MOB3B: variants seen among roughly 807,000 people sequenced by gnomAD.
MOB3B encodes MOB kinase activator-like 2B.
Under a neutral mutation model 18.7 loss-of-function variants are expected in MOB3B, and 7 were observed. The observed-to-expected ratio is 0.37, with a 90% CI of 0.21 to 0.70. The LOEUF (loss-of-function observed/expected upper bound fraction) is 0.70, where lower values mean the gene tolerates loss of function less well. Ranked by LOEUF, MOB3B falls within the 30% of genes least tolerant of loss-of-function variation. The pLI is 0.52. For missense variants in MOB3B, 253 were observed against 281.3 expected (o/e 0.90, Z 0.72); for synonymous variants, 111 against 99.9 (o/e 1.11, Z -0.66).
intron 1 of MOB3B, among the ~76,000 whole-genome samples, chr9:27,502,034 T>C (rs1459068661): frequency 6.6e-6 from 1 of 152,096 alleles, no homozygotes; most frequent in Admixed American, 6.5e-5. Context: ...GTCCTTCCCT[T>C]TTTTTGCCAT....
chr9:27,387,938 T>C (rs1821670184), intron 2 of MOB3B, among the ~76,000 whole-genome samples: 1 of 151,772 alleles, frequency 6.6e-6, no homozygotes, highest in African/African-American at 2.4e-5. Context: ...CTAGAAATGA[T>C]TTTGCCCCCC....
intron 1 of MOB3B, among the ~76,000 whole-genome samples, chr9:27,483,540 C>G (rs576730403): frequency 5.9e-5 from 9 of 152,128 alleles, no homozygotes; most frequent in Non-Finnish European, 1.3e-4. Context: ...GTAAGTTAAG[C>G]TGACTTTCTT....
chr9:27,468,544 T>G (rs1819420119), intron 1 of MOB3B, among the ~76,000 whole-genome samples: 1 of 152,190 alleles, frequency 6.6e-6, no homozygotes, highest in African/African-American at 2.4e-5. Flanking sequence ...GCACCTTGCA[T>G]GCACATCTCT....
intron 1 of MOB3B, among the ~76,000 whole-genome samples, chr9:27,487,205 A>AT (rs1451412874): frequency 1.3e-5 from 2 of 151,606 alleles, no homozygotes; most frequent in East Asian, 3.9e-4. Flanking sequence ...TAACGTTTCT[A>AT]TAAGTCATGC....
chr9:27,498,322 G>A (rs2131492707), intron 1 of MOB3B, among the ~76,000 whole-genome samples: 1 of 152,326 alleles, frequency 6.6e-6, no homozygotes, highest in African/African-American at 2.4e-5. Flanking sequence ...CCTACTGTGA[G>A]GTACAAGGGT....
At chr9:27,506,832 A>ATTTTTTT (rs71492749) in intron 1 of MOB3B, among the ~76,000 whole-genome samples, 16 of 120,510 alleles carry the variant, frequency 1.3e-4, no homozygotes, top group East Asian at 2.3e-4. Context: ...ACCCCGGCTA[A>ATTTTTTT]TTTTTTTTTT....
At chr9:27,490,490 A>G (rs74822608) in intron 1 of MOB3B, among the ~76,000 whole-genome samples, 1,736 of 152,314 alleles carry the variant, frequency 0.011, 37 homozygotes, top group African/African-American at 0.039. Context: ...ATGAGATTTG[A>G]ATGTGGGCCA....
At position 27,356,782 on chromosome 9, in the gene MOB3B, G is replaced by A. The variant is rs978774562; in HGVS notation, c.621+2252C>T. On this transcript the variant is annotated intron_variant, in intron 3 of 3. Transcript: ENST00000262244. ...TTTCTTCTGGGTCTTCATTTACGTGGCCCTTGTCCATCTTTCCTCTCTGTC... is the reference window on the plus strand; with the variant it reads ...TTTCTTCTGGGTCTTCATTTACGTGACCCTTGTCCATCTTTCCTCTCTGTC... Among the ~76,000 whole-genome samples, 5 of 152,024 alleles carry A rather than the reference G, an allele frequency of 3.3e-5. No individual in the cohort carries two copies. The South Asian group carries it at 1.0e-3, about 32-fold the overall frequency.
chr9:27,523,303 A>C (rs1820369210), intron 1 of MOB3B, among the ~76,000 whole-genome samples: 3 of 152,174 alleles, frequency 2.0e-5, no homozygotes, highest in Admixed American at 2.0e-4. Context: ...CCAGCTAGGA[A>C]TTCACTTAGC....
At chr9:27,430,454 C>T (rs552687610) in intron 2 of MOB3B, among the ~76,000 whole-genome samples, 21 of 152,262 alleles carry the variant, frequency 1.4e-4, no homozygotes, top group Non-Finnish European at 1.9e-4. Flanking sequence ...GAGGACCAGG[C>T]GGGGAGGGTA....
intron 1 of MOB3B, among the ~76,000 whole-genome samples, chr9:27,497,277 G>A (rs1487107336): frequency 6.6e-6 from 1 of 152,094 alleles, no homozygotes; most frequent in East Asian, 1.9e-4. Context: ...TTTCCACAAA[G>A]CTTGGATGTG....
At position 27,527,774 on chromosome 9, in the gene MOB3B, C is replaced by A. The variant is rs557316841; in HGVS notation, c.-199+1781G>T. ...CAGGTGCACAGTCTCAGTCAGCCTCCCCTCAGAGGCAAGACAACTCGCTGG... is the reference window on the plus strand; with the variant it reads ...CAGGTGCACAGTCTCAGTCAGCCTCACCTCAGAGGCAAGACAACTCGCTGG... On this transcript the variant is annotated intron_variant, in intron 1 of 3. Coordinates refer to ENST00000262244, the MANE Select transcript of MOB3B (RefSeq NM_024761.5). Among the ~76,000 whole-genome samples, 44 of 152,326 alleles carry A rather than the reference C, an allele frequency of 2.9e-4. 2 individuals carry two copies. The South Asian group carries it at 9.1e-3, about 32-fold the overall frequency.
chr9:27,461,916 G>A (rs966945123), intron 1 of MOB3B, among the ~76,000 whole-genome samples: 1 of 152,148 alleles, frequency 6.6e-6, no homozygotes, highest in African/African-American at 2.4e-5. Flanking sequence ...AGTGGGATTT[G>A]TTTGGTATGG....
chr9:27,439,812 G>A (rs917726317), intron 2 of MOB3B, among the ~76,000 whole-genome samples: 6 of 152,082 alleles, frequency 3.9e-5, no homozygotes, highest in Non-Finnish European at 8.8e-5. Context: ...ATGGAATGGA[G>A]CCAGAAAGAC....
intron 1 of MOB3B, among the ~76,000 whole-genome samples, chr9:27,500,504 T>C (rs1446921291): frequency 6.6e-6 from 1 of 152,190 alleles, no homozygotes; most frequent in Non-Finnish European, 1.5e-5. Flanking sequence ...GGGAAAGGAT[T>C]ACCTATTTAA....
intron 1 of MOB3B, among the ~76,000 whole-genome samples, chr9:27,490,001 A>G (rs1281802324): frequency 2.0e-5 from 3 of 152,140 alleles, no homozygotes; most frequent in Non-Finnish European, 4.4e-5. Flanking sequence ...AAAAGAGCCA[A>G]TGTGCCTCTT....
intron 2 of MOB3B, among the ~76,000 whole-genome samples, chr9:27,384,338 A>G (rs1395073413): frequency 6.6e-6 from 1 of 152,156 alleles, no homozygotes; most frequent in Non-Finnish European, 1.5e-5. Context: ...ACACCTGTCT[A>G]AAGCTGAGAA....
At chr9:27,330,784 T>A (rs995584894) in intron 3 of MOB3B, among the ~76,000 whole-genome samples, 168 bp from the exon 4 acceptor site, 1 of 136,682 alleles carries the variant, frequency 7.3e-6, no homozygotes, top group Admixed American at 7.6e-5. Context: ...CTGTTTGTTC[T>A]GCAGAATTTT....
intron 3 of MOB3B, among the ~76,000 whole-genome samples, chr9:27,341,989 A>G (rs1445231415): frequency 6.6e-6 from 1 of 152,208 alleles, no homozygotes; most frequent in Non-Finnish European, 1.5e-5. Context: ...GAAAAAAGAA[A>G]GAATATTTTA....
Sources: gnomAD v4.1 joint callset for allele counts (sites outside exome capture counted in the v4.1 genomes callset) on GRCh38, gnomAD v4.1.1 for gene constraint, MANE v1.5 for transcripts, NCBI Gene and HGNC (gene_info 2026-07-23, HGNC 2026-07-21) for gene names.